TCF7L2: variants seen among roughly 807,000 people sequenced by gnomAD.
TCF7L2 encodes the protein transcription factor 7 like 2, also known as transcription factor 7-like 2.
TCF7L2 carries 23 observed loss-of-function variants against 77.9 expected under a neutral mutation model. That is an observed-to-expected ratio of 0.30 (90% CI 0.21 to 0.42). TCF7L2 has a LOEUF of 0.42. Among genes scored for constraint, TCF7L2 ranks in the 10% least tolerant of loss-of-function variants. The pLI is 1.00. For missense variants in TCF7L2, 654 were observed against 793.1 expected, an observed-to-expected ratio of 0.82 and a Z score of 2.11; for synonymous variants, 413 against 340.2, an observed-to-expected ratio of 1.21 and a Z score of -2.36.
At chr10:113,025,180 C>T in intron 4 of TCF7L2, among the ~76,000 whole-genome samples, 1 of 151,378 alleles carries the variant, frequency 6.6e-6, no homozygotes, top group Non-Finnish European at 1.5e-5. Context: ...ATCTCAGCCA[C>T]CTGAGTAGCT....
rs371724482 is a variant in TCF7L2, at chr10:112,964,619, G to T, written c.445G>T (p.Val149Phe). 1 of 1,613,158 alleles carries T rather than the reference G, an allele frequency of 6.2e-7. No homozygotes were observed. The highest frequency in any genetic ancestry group is 2.2e-5 in the East Asian group (1 of 44,850). The change falls in exon 4 of 14, where the codon GTT becomes TTT. Residue 149 changes from valine to phenylalanine, a missense_variant. Around this residue, in one of 6 missense-constraint regions of TCF7L2, gnomAD observed 179 missense variants for 270.6 expected, o/e 0.66. Coordinates refer to ENST00000627217, the MANE Select transcript of TCF7L2 (RefSeq NM_001146274.2). ...CAAAACGATTGAACACCAGATTGCA[G>T]TTCAGGTAGGAAACGCAAGAGATTC... is the stretch of plus-strand genomic sequence containing the variant.
intron 4 of TCF7L2, among the ~76,000 whole-genome samples, chr10:112,985,870 G>T (rs1251608797): frequency 8.6e-5 from 13 of 151,950 alleles, no homozygotes; most frequent in African/African-American, 2.9e-4. Flanking sequence ...TTGTGTGTGT[G>T]TGTGTGTGTG....
At chr10:113,163,338 G>A (rs1198975277) in intron 13 of TCF7L2, among the ~76,000 whole-genome samples, 3 of 152,166 alleles carry the variant, frequency 2.0e-5, no homozygotes, top group African/African-American at 2.4e-5. Context: ...CCACCAAGTT[G>A]CTTTTCCCAT....
intron 7 of TCF7L2, 100 bp from the exon 8 acceptor site, chr10:113,145,911 A>C: frequency 1.0e-6 from 1 of 960,440 alleles, no homozygotes; most frequent in Non-Finnish European, 1.6e-6. Context: ...AAATGAGAAT[A>C]AAGCTTACTG....
Position 113,070,718 on chromosome 10 carries a change from G to A in TCF7L2, c.552+30592G>A, listed in dbSNP as rs139189710. On this transcript the variant is annotated intron_variant, in intron 5 of 13. Coordinates refer to ENST00000627217, the MANE Select transcript of TCF7L2 (RefSeq NM_001146274.2). ...TTAGGAAATTTTCAGCCAGGGGAGA[G>A]TGAAAGCTCTATTTGCTATAGTTAA... Among the ~76,000 whole-genome samples, 269 of 152,296 alleles carry A rather than the reference G, an allele frequency of 1.8e-3. 1 individual carries two copies. The highest frequency in any genetic ancestry group is 6.3e-3 in the African/African-American group (261 of 41,562).
At chr10:113,034,187 A>G (rs2050733058) in intron 4 of TCF7L2, among the ~76,000 whole-genome samples, 1 of 152,212 alleles carries the variant, frequency 6.6e-6, no homozygotes, top group South Asian at 2.1e-4. Context: ...GAGTTCCTGA[A>G]GAAATAAGTG....
chr10:113,075,228 G>A (rs138900445), intron 5 of TCF7L2, among the ~76,000 whole-genome samples: 8 of 152,176 alleles, frequency 5.3e-5, no homozygotes, highest in African/African-American at 1.2e-4. Flanking sequence ...GGAGGCAGAG[G>A]CGGGCAGATC....
chr10:113,044,867 G>A lies in TCF7L2; in HGVS notation c.552+4741G>A, dbSNP rs149819750. Among the ~76,000 whole-genome samples, 529 of 152,304 alleles carry A rather than the reference G, an allele frequency of 3.5e-3. 5 individuals carry two copies. Among genetic ancestry groups the A allele is most frequent in the African/African-American group, 0.012 (501 of 41,554 alleles). ...CTCCGGGAGAGTGACTTGGGGTGCA[G>A]CATATGGTGAGGATCTGACACTGGG... On this transcript the variant is annotated intron_variant, in intron 5 of 13. Transcript: ENST00000627217.
intron 5 of TCF7L2, 52 bp downstream of exon 5, chr10:113,040,178 A>G (rs760263556): frequency 1.3e-6 from 2 of 1,528,888 alleles, no homozygotes; most frequent in East Asian, 2.3e-5. Flanking sequence ...GGTGAAAAAG[A>G]AAATGCTTTT....
chr10:113,126,895 G>GCGGC, intron 5 of TCF7L2: 1 of 985,540 alleles, frequency 1.0e-6, no homozygotes, highest in Non-Finnish European at 1.2e-6. Flanking sequence ...AGCGCGGCCG[G>GCGGC]CGGCGGGCGG....
chr10:113,120,909 T>C (rs769973854), intron 5 of TCF7L2, among the ~76,000 whole-genome samples: 7 of 152,226 alleles, frequency 4.6e-5, no homozygotes, highest in Non-Finnish European at 8.8e-5. Context: ...CCTGCATCTC[T>C]TTCATCTTCC....
chr10:113,165,393 C>A (rs1391711846), intron 13 of TCF7L2, among the ~76,000 whole-genome samples, 162 bp from the exon 15 acceptor site: 1 of 151,984 alleles, frequency 6.6e-6, no homozygotes, highest in Non-Finnish European at 1.5e-5. Context: ...AGTAAGCGAC[C>A]CACCCTGGGG....
At chr10:112,956,721 T>C (rs193213909) in intron 3 of TCF7L2, among the ~76,000 whole-genome samples, 360 of 152,334 alleles carry the variant, frequency 2.4e-3, no homozygotes, top group Non-Finnish European at 4.2e-3. Context: ...CCCCAGTCTT[T>C]TTGCTGGCAA....
At position 113,167,015 on chromosome 10, in the gene TCF7L2, G is replaced by A. The variant is rs1008953013; in HGVS notation, c.*1043G>A. 3 of 231,458 alleles carry A rather than the reference G, an allele frequency of 1.3e-5. No individual in the cohort carries two copies. Among genetic ancestry groups the A allele is most frequent in the Non-Finnish European group, 2.6e-5 (3 of 117,024 alleles). 14.3% of individuals were successfully genotyped at this position (231,458 alleles called of 1,614,324 possible). The stretch of plus-strand genomic sequence containing the variant: ...TTCGTTTCCCCTTTGAACTCCCAGT[G>A]GGATGCCCTACCCTGCGCCCTTAGG... On this transcript the variant is annotated 3_prime_UTR_variant, in exon 14 of 14. Transcript: ENST00000627217.
intron 13 of TCF7L2, among the ~76,000 whole-genome samples, chr10:113,163,710 C>T (rs2073566331): frequency 6.6e-6 from 1 of 152,088 alleles, no homozygotes; most frequent in Non-Finnish European, 1.5e-5. Flanking sequence ...GGGGGTGGTG[C>T]TTGCTCCCCT....
intron 5 of TCF7L2, among the ~76,000 whole-genome samples, chr10:113,122,040 A>G (rs1237638387): frequency 6.6e-6 from 1 of 152,176 alleles, no homozygotes; most frequent in Non-Finnish European, 1.5e-5. Context: ...AGCACATTTT[A>G]CTCTGAACTT....
intron 5 of TCF7L2, among the ~76,000 whole-genome samples, chr10:113,122,120 C>A (rs971734826): frequency 6.6e-6 from 1 of 152,206 alleles, no homozygotes; most frequent in Non-Finnish European, 1.5e-5. Flanking sequence ...TGTCCTTAGA[C>A]ATTGATTCTT....
At chr10:113,141,443 C>G (rs2068364746) in intron 6 of TCF7L2, 127 bp downstream of exon 6, 10 of 1,346,334 alleles carry the variant, frequency 7.4e-6, no homozygotes, top group South Asian at 5.9e-5. Flanking sequence ...GGTGGGGGGG[C>G]CCCTGTTGCT....
intron 4 of TCF7L2, among the ~76,000 whole-genome samples, chr10:112,993,816 G>T (rs1165688462): frequency 6.6e-6 from 1 of 152,078 alleles, no homozygotes; most frequent in Admixed American, 6.5e-5. Flanking sequence ...TAGCACTTTG[G>T]GAGGCCAAGG....
Sources: allele counts gnomAD v4.1 joint callset (sites outside exome capture counted in the v4.1 genomes callset), GRCh38; gene constraint gnomAD v4.1.1; regional missense constraint gnomAD v4.1.1; transcripts MANE v1.5; gene names NCBI Gene and HGNC (gene_info 2026-07-23, HGNC 2026-07-21).